TRAPPC13: variants seen among roughly 807,000 people sequenced by gnomAD.
TRAPPC13 encodes REV7-interacting novel NHEJ regulator 1.
In TRAPPC13, 39 loss-of-function variants were observed where a neutral mutation model predicts 54.0. The observed-to-expected ratio is 0.72, with a 90% CI of 0.56 to 0.94. TRAPPC13 has a LOEUF of 0.94. Ranked by LOEUF, TRAPPC13 falls within the 40% of genes least tolerant of loss-of-function variation. The probability of loss-of-function intolerance (pLI) is 0.00; values close to 1 mark genes in which losing one functional copy is unlikely to be tolerated. For missense variants in TRAPPC13, 386 were observed against 488.1 expected (o/e 0.79, Z 1.97); for synonymous variants, 148 against 167.7 (o/e 0.88, Z 0.91).
At chr5:65,630,353 A>G (rs1236749826) in intron 1 of TRAPPC13, 12 of 1,472,762 alleles carry the variant, frequency 8.1e-6, no homozygotes, top group African/African-American at 1.4e-5. Flanking sequence ...AATTCCACTG[A>G]TTGTCAAAAA....
intron 11 of TRAPPC13, 166 bp from the exon 12 acceptor site, chr5:65,664,071 G>T: frequency 1.5e-6 from 1 of 679,596 alleles, no homozygotes. Context: ...TCATCTTCCT[G>T]GTTCTATCTT....
At chr5:65,634,863 C>CG (rs1370413857) in intron 1 of TRAPPC13, 2 of 510,972 alleles carry the variant, frequency 3.9e-6, no homozygotes, top group Non-Finnish European at 5.0e-6. Flanking sequence ...CGCACCACTA[C>CG]ACTCCAGCCT....
At chr5:65,654,846 G>A (rs1203283162) in intron 7 of TRAPPC13, among the ~76,000 whole-genome samples, 1 of 152,162 alleles carries the variant, frequency 6.6e-6, no homozygotes, top group Non-Finnish European at 1.5e-5. Flanking sequence ...TCACCTGCCA[G>A]GTACCGAAGA....
chr5:65,633,238 C>T (rs1032906788), intron 1 of TRAPPC13, among the ~76,000 whole-genome samples: 2 of 151,918 alleles, frequency 1.3e-5, no homozygotes, highest in Admixed American at 1.3e-4. Flanking sequence ...CTGAATTGAC[C>T]ATGTAGGTCT....
At chr5:65,649,121 C>T (rs532372310) in intron 5 of TRAPPC13, among the ~76,000 whole-genome samples, 30 of 152,112 alleles carry the variant, frequency 2.0e-4, no homozygotes, top group African/African-American at 6.7e-4. Flanking sequence ...GAGACTGAGG[C>T]GGGAGGATTG....
At chr5:65,636,109 AC>A in intron 3 of TRAPPC13, 66 bp downstream of exon 3, 1 of 1,048,490 alleles carries the variant, frequency 9.5e-7, no homozygotes, top group Non-Finnish European at 1.4e-6. Context: ...TCAAAACAGA[AC>A]CATGGGATGG....
chr5:65,644,744 A>C (rs1756115740), intron 4 of TRAPPC13, among the ~76,000 whole-genome samples: 1 of 151,460 alleles, frequency 6.6e-6, no homozygotes, highest in Non-Finnish European at 1.5e-5. Context: ...AGCCAGGCTT[A>C]GTGCCGCTTG....
chr5:65,660,975 C>T, intron 10 of TRAPPC13, 78 bp downstream of exon 10: 3 of 1,233,740 alleles, frequency 2.4e-6, no homozygotes. Context: ...TTTTCTACAT[C>T]CAGCAGTAAA....
At chr5:65,653,441 A>G (rs1756547175) in intron 7 of TRAPPC13, among the ~76,000 whole-genome samples, 1 of 152,170 alleles carries the variant, frequency 6.6e-6, no homozygotes, top group Non-Finnish European at 1.5e-5. Flanking sequence ...TAAAATTTAT[A>G]CTATAACTAG....
At chr5:65,657,050 C>G (rs912983687) in intron 8 of TRAPPC13, among the ~76,000 whole-genome samples, 26 of 151,040 alleles carry the variant, frequency 1.7e-4, no homozygotes, top group Non-Finnish European at 2.8e-4. Context: ...GCATTCTACT[C>G]TGGGCAACAG....
intron 7 of TRAPPC13, among the ~76,000 whole-genome samples, chr5:65,654,999 GA>G (rs1233488452): frequency 1.3e-5 from 2 of 152,170 alleles, no homozygotes; most frequent in Admixed American, 6.5e-5. Flanking sequence ...CTAGAGAGGT[GA>G]AAAATGATTT....
chr5:65,630,160 T>A, intron 1 of TRAPPC13: 1 of 1,536,052 alleles, frequency 6.5e-7, no homozygotes, highest in East Asian at 2.4e-5. Flanking sequence ...TCAATCAAAT[T>A]ATTAGGCACA....
At chr5:65,633,977 G>GT (rs67982454) in intron 1 of TRAPPC13, among the ~76,000 whole-genome samples, 969 of 60,484 alleles carry the variant, frequency 0.016, 266 homozygotes, top group African/African-American at 0.034. Context: ...CTCTCCCAGC[G>GT]TTTTTTTTTT....
chr5:65,643,681 A>G lies in TRAPPC13; in HGVS notation c.301-3374A>G, dbSNP rs537532995. On this transcript the variant is annotated intron_variant, in intron 4 of 12. Transcript: ENST00000399438. ...AAAATACAAAAATTAGCCGGGTGTG[A>G]TGGCGGGCGCCTGTAGTCCCAGCTA... 5.6e-4 allele frequency among the ~76,000 whole-genome samples: 85 copies of G among 151,828 alleles called. 1 individual carries two copies. Among genetic ancestry groups the G allele is most frequent in the Non-Finnish European group, 8.0e-4 (54 of 67,890 alleles).
intron 1 of TRAPPC13, among the ~76,000 whole-genome samples, chr5:65,628,885 T>TCC (rs1755386658): frequency 6.6e-6 from 1 of 151,866 alleles, no homozygotes; most frequent in Non-Finnish European, 1.5e-5. Context: ...TGGCATGATC[T>TCC]TGGCTCACTG....
rs1309352435 is a variant in TRAPPC13, at chr5:65,662,073, G to C, written c.921G>C (p.Arg307Ser). ...AGGCTCCAGGTTATGGAGATGTTAG[G>C]TTGTCTTTGGAGGCAATACCAGATA... ...QRMAPGYGDV[R>S]LSLEAIPDTV... Residue 307 changes from arginine to serine, a missense_variant, in exon 11 of 13, where the codon AGG becomes AGC. Coordinates refer to ENST00000399438, the MANE Select transcript of TRAPPC13 (RefSeq NM_024941.4). 6.2e-7 allele frequency: 1 copy of C among 1,607,616 alleles called. No homozygotes were observed. Among genetic ancestry groups the C allele is most frequent in the East Asian group, 2.3e-5 (1 of 44,334 alleles).
intron 5 of TRAPPC13, among the ~76,000 whole-genome samples, chr5:65,648,264 C>T (rs548030344): frequency 6.6e-6 from 1 of 152,340 alleles, no homozygotes; most frequent in South Asian, 2.1e-4. Flanking sequence ...TCTTTCAAAT[C>T]TCAGATTCAG....
At chr5:65,627,762 G>T (rs899312467) in intron 1 of TRAPPC13, among the ~76,000 whole-genome samples, 8 of 152,262 alleles carry the variant, frequency 5.3e-5, no homozygotes, top group African/African-American at 1.4e-4. Flanking sequence ...ATTAGTTCTT[G>T]AAAGTATATA....
rs983901077 is a variant in TRAPPC13, at chr5:65,648,634, G to A, written c.428+1452G>A. On this transcript the variant is annotated intron_variant, in intron 5 of 12. Coordinates refer to ENST00000399438, the MANE Select transcript of TRAPPC13 (RefSeq NM_024941.4). ...TATTCTTACTGTGAGCACTTAGAAG[G>A]CATGTATTGTGCTTTGATCAGTCCT... 3.3e-5 allele frequency among the ~76,000 whole-genome samples: 5 copies of A among 152,132 alleles called. No individual in the cohort carries two copies. In the South Asian group the frequency reaches 8.3e-4, roughly 25 times the overall value.
Sources: allele counts gnomAD v4.1 joint callset (sites outside exome capture counted in the v4.1 genomes callset), GRCh38; gene constraint gnomAD v4.1.1; transcripts MANE v1.5; gene names NCBI Gene and HGNC (gene_info 2026-07-23, HGNC 2026-07-21).